Variants in LYNX1 observed in about 807,000 individuals in gnomAD.
The protein encoded by LYNX1 is Ly6/neurotoxin 1.
In LYNX1, 8 loss-of-function variants were observed where a neutral mutation model predicts 8.3. The observed-to-expected ratio is 0.97, with a 90% CI of 0.57 to 1.74. LYNX1 has a LOEUF of 1.74. LYNX1 is among the 40% of genes most tolerant of loss of function. LYNX1 has a pLI of 0.00. For missense variants in LYNX1, 158 were observed against 159.7 expected, an observed-to-expected ratio of 0.99 and a Z score of 0.06; for synonymous variants, 73 against 67.9, an observed-to-expected ratio of 1.08 and a Z score of -0.37.
At position 142,774,207 on chromosome 8, in the gene LYNX1, C is replaced by T. The variant is rs1219261216; in HGVS notation, c.*960G>A. On this transcript the variant is annotated 3_prime_UTR_variant, in exon 4 of 4. Transcript: ENST00000652477. ...ACGGCCACGAGAGGGTGGCATGCTCCGCCTTCCCACGCCCAGGCCCGCGCC... is the reference window on the plus strand; with the variant it reads ...ACGGCCACGAGAGGGTGGCATGCTCTGCCTTCCCACGCCCAGGCCCGCGCC... 13 of 983,008 alleles carry T rather than the reference C, an allele frequency of 1.3e-5. No individual in the cohort carries two copies. Among genetic ancestry groups the T allele is most frequent in the South Asian group, 4.7e-5 (1 of 21,082 alleles). The allele number at this position is 983,008 out of a possible 1,614,324, so 60.9% of individuals were successfully genotyped here.
In LYNX1 at chr8:142,773,765, G is replaced by A. The variant is rs587735373; in HGVS notation, c.*1402C>T. On this transcript the variant is annotated 3_prime_UTR_variant, in exon 4 of 4. Transcript: ENST00000652477. The stretch of plus-strand genomic sequence containing the variant: ...CTGACCAGGGCCATACTTTGGGGCC[G>A]GGACAATCCTACCACATGGATATGT... 48 of 985,368 alleles carry A rather than the reference G, an allele frequency of 4.9e-5. No individual in the cohort carries two copies. The South Asian group carries it at 6.1e-4, about 13-fold the overall frequency. The allele number at this position is 985,368 out of a possible 1,614,324, so 61.0% of individuals were successfully genotyped here. A position where few individuals can be genotyped will look rare whatever the true frequency, so the allele number is the denominator to read the frequency against.
Position 142,772,238 on chromosome 8 carries a change from C to T in LYNX1, c.*2929G>A, listed in dbSNP as rs375880887. The T allele has an allele frequency of 6.9e-5, 68 of 985,972 alleles. No homozygotes were observed. Among genetic ancestry groups the T allele is most frequent in the Middle Eastern group, 1.0e-3 (2 of 1,914 alleles). The allele number at this position is 985,972 out of a possible 1,614,324, so 61.1% of individuals were successfully genotyped here. On this transcript the variant is annotated 3_prime_UTR_variant, in exon 4 of 4. Transcript: ENST00000652477. The stretch of plus-strand genomic sequence containing the variant: ...AACAGCTAGCCCTGGGCATCTACCC[C>T]CATGAAGGGGACCCTCGGTTCTGCG...
At position 142,772,628 on chromosome 8, in the gene LYNX1, C is replaced by G; in HGVS notation, c.*2539G>C. 5 of 985,606 alleles carry G rather than the reference C, an allele frequency of 5.1e-6. No individual in the cohort carries two copies. Among genetic ancestry groups the G allele is most frequent in the Non-Finnish European group, 6.0e-6 (5 of 830,046 alleles). The allele number at this position is 985,606 out of a possible 1,614,324, so 61.1% of individuals were successfully genotyped here. A position where few individuals can be genotyped will look rare whatever the true frequency, so the allele number is the denominator to read the frequency against. ...TGGCTCCCATTGCCGGGCTGCTATA[C>G]AGTGCTCAGGGCCACAGTGCAGTGG... On this transcript the variant is annotated 3_prime_UTR_variant, in exon 4 of 4. Transcript: ENST00000652477.
At position 142,773,312 on chromosome 8, in the gene LYNX1, C is replaced by T. The variant is rs1012912050; in HGVS notation, c.*1855G>A. 16 of 985,496 alleles carry T rather than the reference C, an allele frequency of 1.6e-5. No individual in the cohort carries two copies. The highest frequency in any genetic ancestry group is 9.4e-5 in the South Asian group (2 of 21,290). 61.0% of individuals were successfully genotyped at this position (985,496 alleles called of 1,614,324 possible). On this transcript the variant is annotated 3_prime_UTR_variant, in exon 4 of 4. Transcript: ENST00000652477. ...TGGCAGCCTCCCAGACACCCCGGGCCGGTCCTGCTCTCCAGGCTTAGGGCT... is the reference window on the plus strand; with the variant it reads ...TGGCAGCCTCCCAGACACCCCGGGCTGGTCCTGCTCTCCAGGCTTAGGGCT...
chr8:142,772,867 C>G lies in LYNX1; in HGVS notation c.*2300G>C. The stretch of plus-strand genomic sequence containing the variant: ...GGCAGAACCATGTGTGGGGCTGGGA[C>G]AGGTCAGGGTGGTGGAAAGGTGGAC... On this transcript the variant is annotated 3_prime_UTR_variant, in exon 4 of 4. Transcript: ENST00000652477. 11 of 986,000 alleles carry G rather than the reference C, an allele frequency of 1.1e-5. No homozygotes were observed. Among genetic ancestry groups the G allele is most frequent in the Non-Finnish European group, 1.3e-5 (11 of 830,344 alleles). 61.1% of individuals were successfully genotyped at this position (986,000 alleles called of 1,614,324 possible).
At position 142,773,100 on chromosome 8, in the gene LYNX1, C is replaced by T. The variant is rs1214520123; in HGVS notation, c.*2067G>A. ...TGGCTGAGGAAGCCACCCAACCCGA[C>T]AATGGGCTTGCGCAAGCCGCGCAGT... On this transcript the variant is annotated 3_prime_UTR_variant, in exon 4 of 4. Transcript: ENST00000652477. 2.0e-6 allele frequency: 2 copies of T among 985,416 alleles called. No individual in the cohort carries two copies. Among genetic ancestry groups the T allele is most frequent in the Admixed American group, 1.2e-4 (2 of 16,272 alleles). 61.0% of individuals were successfully genotyped at this position (985,416 alleles called of 1,614,324 possible). A position where few individuals can be genotyped will look rare whatever the true frequency, so the allele number is the denominator to read the frequency against.
At position 142,772,567 on chromosome 8, in the gene LYNX1, G is replaced by C; in HGVS notation, c.*2600C>G. On this transcript the variant is annotated 3_prime_UTR_variant, in exon 4 of 4. Coordinates refer to ENST00000652477, the MANE Select transcript of LYNX1 (RefSeq NM_177477.4). ...TGGGGCAGCTACTTCACCTCCCTGT[G>C]CCTCTGTGTCCTCCTCTGTCAAAGG... The C allele has an allele frequency of 1.0e-6, 1 of 985,574 alleles. No individual in the cohort carries two copies. The highest frequency in any genetic ancestry group is 1.2e-6 in the Non-Finnish European group (1 of 830,032). 61.1% of individuals were successfully genotyped at this position (985,574 alleles called of 1,614,324 possible).
rs1309324452 is a variant in LYNX1 at position 142,773,663 on chromosome 8, G to C, written c.*1504C>G. On this transcript the variant is annotated 3_prime_UTR_variant, in exon 4 of 4. Coordinates refer to ENST00000652477, the MANE Select transcript of LYNX1 (RefSeq NM_177477.4). The stretch of plus-strand genomic sequence containing the variant: ...GACTCACTGCAAGGAGACCCCTGGG[G>C]TGGAGACCCTCATTCCCTGATCCCC... The C allele has an allele frequency of 3.0e-6, 3 of 985,294 alleles. No homozygotes were observed. The highest frequency in any genetic ancestry group is 3.6e-6 in the Non-Finnish European group (3 of 829,938). 61.0% of individuals were successfully genotyped at this position (985,294 alleles called of 1,614,324 possible). A position where few individuals can be genotyped will look rare whatever the true frequency, so the allele number is the denominator to read the frequency against.
Position 142,773,148 on chromosome 8 carries a change from G to A in LYNX1, c.*2019C>T. The A allele has an allele frequency of 1.2e-5, 12 of 985,598 alleles. No homozygotes were observed. Among genetic ancestry groups the A allele is most frequent in the Non-Finnish European group, 1.4e-5 (12 of 830,066 alleles). 61.1% of individuals were successfully genotyped at this position (985,598 alleles called of 1,614,324 possible). On this transcript the variant is annotated 3_prime_UTR_variant, in exon 4 of 4. Coordinates refer to ENST00000652477, the MANE Select transcript of LYNX1 (RefSeq NM_177477.4). ...AGTGACTGCTCCCAGCCTCTCCCAA[G>A]GACTTAGGAGCCCAAAGCCGCCTCC...
chr8:142,771,229 C>CGGT lies in LYNX1; in HGVS notation c.*3935_*3937dup. On this transcript the variant is annotated 3_prime_UTR_variant, in exon 4 of 4. Coordinates refer to ENST00000652477, the MANE Select transcript of LYNX1 (RefSeq NM_177477.4). ...CGAATCTGTTGATTTATTTACGGCT[C>CGGT]GGTGAGACGACGCTGGACGCTGGTT... 1 of 985,424 alleles carries CGGT rather than the reference C, an allele frequency of 1.0e-6. No homozygotes were observed. The highest frequency in any genetic ancestry group is 1.2e-6 in the Non-Finnish European group (1 of 829,982). 61.0% of individuals were successfully genotyped at this position (985,424 alleles called of 1,614,324 possible).
At position 142,774,101 on chromosome 8, in the gene LYNX1, C is replaced by T. The variant is rs587773494; in HGVS notation, c.*1066G>A. 2.0e-6 allele frequency: 2 copies of T among 985,222 alleles called. No homozygotes were observed. The highest frequency in any genetic ancestry group is 6.1e-5 in the Admixed American group (1 of 16,264). The allele number at this position is 985,222 out of a possible 1,614,324, so 61.0% of individuals were successfully genotyped here. ...CCAGGTGGAAGGTGATGGAGGGACCCACTCACTGTGCGCATCCCGCTGCGG... is the reference window on the plus strand; with the variant it reads ...CCAGGTGGAAGGTGATGGAGGGACCTACTCACTGTGCGCATCCCGCTGCGG... On this transcript the variant is annotated 3_prime_UTR_variant, in exon 4 of 4. Transcript: ENST00000652477.
Position 142,773,796 on chromosome 8 carries a change from T to A in LYNX1, c.*1371A>T, listed in dbSNP as rs149090682. The A allele has an allele frequency of 7.4e-5, 73 of 985,320 alleles. 4 individuals carry two copies. The African/African-American group carries it at 1.2e-3, about 16-fold the overall frequency. The allele number at this position is 985,320 out of a possible 1,614,324, so 61.0% of individuals were successfully genotyped here. ...ATCCTACCACATGGATATGTCACCA[T>A]CCTGCCCATGCGGGATGGCTTGAAG... On this transcript the variant is annotated 3_prime_UTR_variant, in exon 4 of 4. Coordinates refer to ENST00000652477, the MANE Select transcript of LYNX1 (RefSeq NM_177477.4).
At chr8:142,775,456 C>G (rs587598163) in intron 3 of LYNX1, 93 bp from the exon 4 acceptor site, 3 of 1,576,344 alleles carry the variant, frequency 1.9e-6, no homozygotes, top group Non-Finnish European at 2.6e-6. Flanking sequence ...CAGGGCAGGG[C>G]CCCTCAGCCT....
At chr8:142,777,810 C>A (rs1258769639), upstream of LYNX1, 1 of 398,382 alleles carries the variant, frequency 2.5e-6, no homozygotes, top group African/African-American at 2.1e-5. Flanking sequence ...CCGCGGCAGC[C>A]CAGCCTTCCC....
rs1477414642 is a variant in LYNX1 at position 142,771,495 on chromosome 8, G to C, written c.*3672C>G. The stretch of plus-strand genomic sequence containing the variant: ...CAGGGAGGACCCCCGTGTGTCTCTC[G>C]GGCTGCCCAGGTGGCTCTGTCCACC... On this transcript the variant is annotated 3_prime_UTR_variant, in exon 4 of 4. Coordinates refer to ENST00000652477, the MANE Select transcript of LYNX1 (RefSeq NM_177477.4). 5.6e-5 allele frequency: 55 copies of C among 985,290 alleles called. No individual in the cohort carries two copies. Among genetic ancestry groups the C allele is most frequent in the Non-Finnish European group, 6.3e-5 (52 of 829,952 alleles). The allele number at this position is 985,290 out of a possible 1,614,324, so 61.0% of individuals were successfully genotyped here. A position where few individuals can be genotyped will look rare whatever the true frequency, so the allele number is the denominator to read the frequency against.
chr8:142,772,657 G>A lies in LYNX1; in HGVS notation c.*2510C>T, dbSNP rs1815231536. 5 of 985,558 alleles carry A rather than the reference G, an allele frequency of 5.1e-6. No homozygotes were observed. The highest frequency in any genetic ancestry group is 6.0e-6 in the Non-Finnish European group (5 of 830,014). The allele number at this position is 985,558 out of a possible 1,614,324, so 61.1% of individuals were successfully genotyped here. On this transcript the variant is annotated 3_prime_UTR_variant, in exon 4 of 4. Coordinates refer to ENST00000652477, the MANE Select transcript of LYNX1 (RefSeq NM_177477.4). ...GCTCAGGGCCACAGTGCAGTGGGGG[G>A]ACCCACGTCCATCGCCACCTTGATG...
rs1172346855 is a variant in LYNX1 at position 142,774,174 on chromosome 8, G to A, written c.*993C>T. 4.1e-5 allele frequency: 13 copies of A among 320,684 alleles called. No individual in the cohort carries two copies. Among genetic ancestry groups the A allele is most frequent in the African/African-American group, 3.7e-4 (7 of 18,766 alleles). 19.9% of individuals were successfully genotyped at this position (320,684 alleles called of 1,614,324 possible). A position where few individuals can be genotyped will look rare whatever the true frequency, so the allele number is the denominator to read the frequency against. ...TCCCCACCCCACCCTCCCCACTCCC[G>A]CCCCCGCACGGCCACGAGAGGGTGG... On this transcript the variant is annotated 3_prime_UTR_variant, in exon 4 of 4. Transcript: ENST00000652477.
Position 142,771,339 on chromosome 8 carries a change from G to T in LYNX1, c.*3828C>A. The T allele has an allele frequency of 1.0e-6, 1 of 985,616 alleles. No homozygotes were observed. Among genetic ancestry groups the T allele is most frequent in the Non-Finnish European group, 1.2e-6 (1 of 830,054 alleles). 61.1% of individuals were successfully genotyped at this position (985,616 alleles called of 1,614,324 possible). A position where few individuals can be genotyped will look rare whatever the true frequency, so the allele number is the denominator to read the frequency against. ...CCCAGAACATAAGACAGGAGGGAGA[G>T]ATGCCATCCATTCAGCGGGCACTTA... On this transcript the variant is annotated 3_prime_UTR_variant, in exon 4 of 4. Coordinates refer to ENST00000652477, the MANE Select transcript of LYNX1 (RefSeq NM_177477.4).
rs1815257957 is a variant in LYNX1 at position 142,773,291 on chromosome 8, A to T, written c.*1876T>A. On this transcript the variant is annotated 3_prime_UTR_variant, in exon 4 of 4. Coordinates refer to ENST00000652477, the MANE Select transcript of LYNX1 (RefSeq NM_177477.4). ...TTGGGAGCTCTGGGAGGCACCTGGC[A>T]GCCTCCCAGACACCCCGGGCCGGTC... 80 of 985,420 alleles carry T rather than the reference A, an allele frequency of 8.1e-5. No individual in the cohort carries two copies. Among genetic ancestry groups the T allele is most frequent in the Non-Finnish European group, 9.4e-5 (78 of 829,946 alleles). The allele number at this position is 985,420 out of a possible 1,614,324, so 61.0% of individuals were successfully genotyped here.
Sources: allele counts gnomAD v4.1 joint callset, GRCh38; gene constraint gnomAD v4.1.1; transcripts MANE v1.5; gene names NCBI Gene and HGNC (gene_info 2026-07-23, HGNC 2026-07-21).